The following POLR3B variants were observed in gnomAD, a reference collection of about 807,000 sequenced individuals.
POLR3B encodes the protein DNA-directed RNA polymerase III subunit RPC2.
A neutral mutation model predicts 147.4 loss-of-function variants in POLR3B; 96 were observed. The ratio of observed to expected loss-of-function variants is 0.65; its 90% CI spans 0.55 to 0.77. The LOEUF is 0.77. Ranked by LOEUF, POLR3B falls within the 30% of genes least tolerant of loss-of-function variation. The pLI is 0.00. For synonymous variants in POLR3B, 461 were observed against 485.9 expected (o/e 0.95, Z 0.67); for missense variants, 1,036 against 1,413.5 (o/e 0.73, Z 4.28).
intron 18 of POLR3B, 145 bp from the exon 19 acceptor site, chr12:106,444,318 T>A: frequency 1.4e-6 from 1 of 727,884 alleles, no homozygotes; most frequent in Non-Finnish European, 2.4e-6. Context: ...TAAGTATGTT[T>A]TTATTTTACC....
chr12:106,451,054 T>A (rs188462135), intron 19 of POLR3B, among the ~76,000 whole-genome samples: 31 of 152,288 alleles, frequency 2.0e-4, no homozygotes, highest in African/African-American at 7.0e-4. Flanking sequence ...AGGATCATTA[T>A]GCTAAATAAG....
At chr12:106,463,885 T>A (rs189431670) in intron 23 of POLR3B, among the ~76,000 whole-genome samples, 4 of 152,276 alleles carry the variant, frequency 2.6e-5, no homozygotes, top group Admixed American at 2.6e-4. Context: ...ACAGTCTAGG[T>A]GATGTGCCTA....
At chr12:106,397,242 T>C (rs2036991146) in intron 10 of POLR3B, among the ~76,000 whole-genome samples, 1 of 152,206 alleles carries the variant, frequency 6.6e-6, no homozygotes, top group Non-Finnish European at 1.5e-5. Flanking sequence ...AATAGTGTTA[T>C]AAATGCTCAT....
At chr12:106,422,314 G>C (rs1459472959) in intron 12 of POLR3B, among the ~76,000 whole-genome samples, 1 of 152,124 alleles carries the variant, frequency 6.6e-6, no homozygotes, top group African/African-American at 2.4e-5. Context: ...TATAAGACAT[G>C]CTTGCTTCCC....
intron 19 of POLR3B, among the ~76,000 whole-genome samples, chr12:106,447,146 T>C (rs1221653930): frequency 6.6e-6 from 1 of 152,246 alleles, no homozygotes; most frequent in Admixed American, 6.5e-5. Flanking sequence ...GGTATTCATC[T>C]GTCTGCTGGT....
At chr12:106,401,238 C>T (rs1042740045) in intron 10 of POLR3B, among the ~76,000 whole-genome samples, 14 of 152,152 alleles carry the variant, frequency 9.2e-5, no homozygotes, top group African/African-American at 2.2e-4. Context: ...AATGGATAAA[C>T]TCCTCGATAC....
intron 11 of POLR3B, among the ~76,000 whole-genome samples, chr12:106,407,908 T>G (rs1026434825): frequency 6.6e-6 from 1 of 152,160 alleles, no homozygotes; most frequent in Non-Finnish European, 1.5e-5. Flanking sequence ...TTATACATAA[T>G]CCAGTGAGGA....
chr12:106,399,244 G>T (rs962003859), intron 10 of POLR3B, among the ~76,000 whole-genome samples: 1 of 152,154 alleles, frequency 6.6e-6, no homozygotes, highest in African/African-American at 2.4e-5. Context: ...AAGACGAAAT[G>T]AATGAAATAA....
At position 106,510,133 on chromosome 12, in the gene POLR3B, A is replaced by G. The variant is rs886048903; in HGVS notation, c.*584A>G. On this transcript the variant is annotated 3_prime_UTR_variant, in exon 28 of 28. Coordinates refer to ENST00000228347, the MANE Select transcript of POLR3B (RefSeq NM_018082.6). The stretch of plus-strand genomic sequence containing the variant: ...AATGTCGTCTTCTCCTATGGACTCA[A>G]TTGCTATTATTTTAAACCTGCATGA... 40 of 164,170 alleles carry G rather than the reference A, an allele frequency of 2.4e-4. No individual in the cohort carries two copies. Among genetic ancestry groups the G allele is most frequent in the Non-Finnish European group, 5.1e-4 (38 of 74,948 alleles). 10.2% of individuals were successfully genotyped at this position (164,170 alleles called of 1,614,324 possible).
intron 6 of POLR3B, among the ~76,000 whole-genome samples, chr12:106,370,725 G>A (rs934299999): frequency 6.0e-5 from 9 of 149,496 alleles, no homozygotes; most frequent in African/African-American, 2.0e-4. Context: ...TCTGCCTCCC[G>A]GGTTCAAGTA....
chr12:106,463,657 A>G lies in POLR3B; in HGVS notation c.2713+37A>G, dbSNP rs773939328. ...CATTTCTCAACTTGATTATAAAACA[A>G]TATATGAATGTATTTGTTAACCACT... On this transcript the variant is annotated intron_variant, in intron 23 of 27. Coordinates refer to ENST00000228347, the MANE Select transcript of POLR3B (RefSeq NM_018082.6). 1.9e-6 allele frequency: 3 copies of G among 1,561,188 alleles called. No individual in the cohort carries two copies. The Admixed American group carries it at 5.0e-5, about 26-fold the overall frequency.
intron 15 of POLR3B, among the ~76,000 whole-genome samples, chr12:106,432,717 G>C (rs2037526502): frequency 6.6e-6 from 1 of 152,172 alleles, no homozygotes; most frequent in Admixed American, 6.5e-5. Flanking sequence ...GAAAGTGGCT[G>C]CTTTCTCCCC....
chr12:106,451,634 G>A (rs1257267823), intron 19 of POLR3B, among the ~76,000 whole-genome samples: 97 of 58,284 alleles, frequency 1.7e-3, no homozygotes, highest in African/African-American at 9.0e-3. Flanking sequence ...AAAAAAAGGC[G>A]GGGGGGGAGG....
In POLR3B at chr12:106,437,131, G is replaced by C; in HGVS notation, c.1856G>C (p.Arg619Thr). Residue 619 changes from arginine to threonine, a missense_variant and splice_region_variant, in exon 17 of 28, where the codon AGG becomes ACG. Arg to Thr is a moderately conservative substitution (Grantham distance 71). Coordinates refer to ENST00000228347, the MANE Select transcript of POLR3B (RefSeq NM_018082.6). ...KHMEELAQGY[R>T]NFEDFLHESL... ...ATGGAAGAGCTGGCCCAAGGGTACA[G>C]GTAAGTAGCCAAAAGTAAAACTTAC... 6.2e-7 allele frequency: 1 copy of C among 1,608,440 alleles called. No homozygotes were observed. Among genetic ancestry groups the C allele is most frequent in the Non-Finnish European group, 8.5e-7 (1 of 1,175,598 alleles).
chr12:106,411,029 T>G, intron 12 of POLR3B, 69 bp downstream of exon 12: 1 of 1,445,624 alleles, frequency 6.9e-7, no homozygotes, highest in Non-Finnish European at 9.7e-7. Flanking sequence ...TCATTTCACA[T>G]AAGAAGAAAC....
At chr12:106,496,992 A>G (rs2038498892) in intron 25 of POLR3B, 74 bp downstream of exon 25, 8 of 1,440,468 alleles carry the variant, frequency 5.6e-6, no homozygotes, top group African/African-American at 1.4e-5. Context: ...GCCTTAAGGT[A>G]TACTCTATTA....
chr12:106,497,014 A>T lies in POLR3B; in HGVS notation c.2984+96A>T. ...GGTATACTCTATTAAGTATACCTTC[A>T]GGCAAGCTTGTACAGCCCGTGGGCG... On this transcript the variant is annotated intron_variant, in intron 25 of 27. Coordinates refer to ENST00000228347, the MANE Select transcript of POLR3B (RefSeq NM_018082.6). 3 of 1,258,552 alleles carry T rather than the reference A, an allele frequency of 2.4e-6. No homozygotes were observed. The South Asian group carries it at 3.6e-5, about 15-fold the overall frequency. The allele number at this position is 1,258,552 out of a possible 1,614,324, so 78.0% of individuals were successfully genotyped here. A position where few individuals can be genotyped will look rare whatever the true frequency, so the allele number is the denominator to read the frequency against.
intron 23 of POLR3B, among the ~76,000 whole-genome samples, chr12:106,466,815 C>A (rs1051185631): frequency 5.7e-4 from 87 of 152,256 alleles, no homozygotes; most frequent in Middle Eastern, 3.4e-3. Context: ...GTCTATATAT[C>A]TGTTTTGGTA....
chr12:106,363,999 T>C, intron 2 of POLR3B, 97 bp downstream of exon 2: 1 of 916,844 alleles, frequency 1.1e-6, no homozygotes. Flanking sequence ...TCATCAACAT[T>C]TTTTGATTTT....
Sources: gnomAD v4.1 joint callset for allele counts (sites outside exome capture counted in the v4.1 genomes callset) on GRCh38, gnomAD v4.1.1 for gene constraint, MANE v1.5 for transcripts, NCBI Gene and HGNC (gene_info 2026-07-23, HGNC 2026-07-21) for gene names.